Variants in ATOSA observed in about 807,000 individuals in gnomAD.
ATOSA encodes atos homolog A.
chr15:52,616,771 G>A, the ATOSA span, among the ~76,000 whole-genome samples: 1 of 152,190 alleles, frequency 6.6e-6, no homozygotes. Context: ...ACCATAGACT[G>A]CCATGGGCAT....
At chr15:52,709,523 C>A in the ATOSA span, among the ~76,000 whole-genome samples, 3 of 152,162 alleles carry the variant, frequency 2.0e-5, no homozygotes, top group Admixed American at 6.5e-5. Flanking sequence ...ACGTAAAATG[C>A]ATACAAGTCC....
At chr15:52,642,411 T>C in the ATOSA span, among the ~76,000 whole-genome samples, 3 of 152,296 alleles carry the variant, frequency 2.0e-5, no homozygotes, top group African/African-American at 2.4e-5. Context: ...AAAATGAAGG[T>C]ATGTGAAACT....
chr15:52,695,833 A>C, the ATOSA span, among the ~76,000 whole-genome samples: 5 of 152,212 alleles, frequency 3.3e-5, no homozygotes, highest in Non-Finnish European at 7.3e-5. Context: ...GGGAGTTAGC[A>C]TGTGGCTACC....
the ATOSA span, among the ~76,000 whole-genome samples, chr15:52,705,923 T>C: frequency 6.6e-6 from 1 of 152,248 alleles, no homozygotes; most frequent in Non-Finnish European, 1.5e-5. Flanking sequence ...GTAGAAGTTT[T>C]TGTTTCTGTG....
chr15:52,671,229 T>C, the ATOSA span, among the ~76,000 whole-genome samples: 2 of 152,232 alleles, frequency 1.3e-5, no homozygotes, highest in Non-Finnish European at 2.9e-5. Context: ...TTAAGAAATA[T>C]AACCTTTATT....
At chr15:52,622,740 G>A in the ATOSA span, among the ~76,000 whole-genome samples, 5 of 152,144 alleles carry the variant, frequency 3.3e-5, no homozygotes, top group African/African-American at 1.2e-4. Flanking sequence ...TCTGAGCAGT[G>A]TCAAAGGTAG....
chr15:52,627,276 C>T, the ATOSA span, among the ~76,000 whole-genome samples: 1 of 152,114 alleles, frequency 6.6e-6, no homozygotes, highest in Non-Finnish European at 1.5e-5. Context: ...GCACATTTTT[C>T]AATGAAGAAA....
At chr15:52,702,452 T>C in the ATOSA span, among the ~76,000 whole-genome samples, 1 of 152,118 alleles carries the variant, frequency 6.6e-6, no homozygotes, top group Non-Finnish European at 1.5e-5. Context: ...ATCACGTCCT[T>C]TGCAGCAACA....
At chr15:52,610,733 A>G in the ATOSA span, among the ~76,000 whole-genome samples, 1 of 152,246 alleles carries the variant, frequency 6.6e-6, no homozygotes, top group Admixed American at 6.5e-5. Flanking sequence ...GGTGATTAAG[A>G]GACACCCTAT....
At chr15:52,663,165 G>A in the ATOSA span, among the ~76,000 whole-genome samples, 2 of 152,116 alleles carry the variant, frequency 1.3e-5, no homozygotes, top group African/African-American at 4.8e-5. Context: ...CATTCCCTCT[G>A]ATCAGAATGT....
At chr15:52,698,152 T>C in the ATOSA span, among the ~76,000 whole-genome samples, 1 of 151,658 alleles carries the variant, frequency 6.6e-6, no homozygotes, top group Admixed American at 6.6e-5. Context: ...AATTTTCTTT[T>C]CTATTTTTAG....
chr15:52,703,781 T>C, the ATOSA span, among the ~76,000 whole-genome samples: 25 of 152,250 alleles, frequency 1.6e-4, 1 homozygote, highest in South Asian at 4.8e-3. Context: ...ACATGGCACA[T>C]GTATAACTAT....
chr15:52,696,136 G>C, the ATOSA span, among the ~76,000 whole-genome samples: 1 of 152,136 alleles, frequency 6.6e-6, no homozygotes, highest in Non-Finnish European at 1.5e-5. Context: ...TGGGGCAAGG[G>C]GAGACACATG....
At chr15:52,628,190 C>G in the ATOSA span, among the ~76,000 whole-genome samples, 11 of 152,132 alleles carry the variant, frequency 7.2e-5, no homozygotes, top group African/African-American at 2.7e-4. Context: ...CCCACACACA[C>G]TCTTAAGACG....
the ATOSA span, chr15:52,587,346 G>T: frequency 5.4e-6 from 4 of 742,094 alleles, no homozygotes; most frequent in East Asian, 1.1e-4. Flanking sequence ...CATTCATATT[G>T]AATTAATAGA....
chr15:52,605,354 C>T, the ATOSA span: 1 of 678,144 alleles, frequency 1.5e-6, no homozygotes, highest in Non-Finnish European at 2.4e-6. Context: ...TGAGGTATTG[C>T]TGGTGAAGCT....
chr15:52,627,514 C>T, the ATOSA span, among the ~76,000 whole-genome samples: 1 of 151,972 alleles, frequency 6.6e-6, no homozygotes, highest in Non-Finnish European at 1.5e-5. Flanking sequence ...AGTGATTTAG[C>T]TTATTGAAAG....
the ATOSA span, chr15:52,610,357 T>C: frequency 6.8e-6 from 11 of 1,611,570 alleles, no homozygotes; most frequent in Admixed American, 1.3e-4. Flanking sequence ...AAAATTCCAC[T>C]GTAGGTCTAC....
the ATOSA span, among the ~76,000 whole-genome samples, chr15:52,701,054 G>A: frequency 6.6e-6 from 1 of 152,194 alleles, no homozygotes; most frequent in Non-Finnish European, 1.5e-5. Flanking sequence ...GATTAGTTGA[G>A]GGGAAGGGGA....
Sources: allele counts gnomAD v4.1 joint callset (sites outside exome capture counted in the v4.1 genomes callset), GRCh38; gene constraint gnomAD v4.1.1; transcripts MANE v1.5; gene names NCBI Gene and HGNC (gene_info 2026-07-23, HGNC 2026-07-21).